Variants in CCDC30 observed in about 807,000 individuals in gnomAD.
The protein encoded by CCDC30 is coiled-coil domain containing 30, also known as coiled-coil domain-containing protein 30.
Under a neutral mutation model 100.2 loss-of-function variants are expected in CCDC30, and 70 were observed. The ratio of observed to expected loss-of-function variants is 0.70; its 90% confidence interval spans 0.58 to 0.85. The LOEUF (loss-of-function observed/expected upper bound fraction) is 0.85, where lower values mean the gene tolerates loss of function less well. Among genes scored for constraint, CCDC30 ranks in the 40% least tolerant of loss-of-function variants. The pLI, the probability that CCDC30 is intolerant of heterozygous loss-of-function variation, is 0.00. For missense variants in CCDC30, 652 were observed against 771.2 expected (o/e 0.85, Z 1.83); for synonymous variants, 233 against 269.5 (o/e 0.86, Z 1.33).
At chr1:42,514,447 A>G (rs1470959085) in intron 6 of CCDC30, among the ~76,000 whole-genome samples, 3 of 152,162 alleles carry the variant, frequency 2.0e-5, no homozygotes, top group Admixed American at 1.3e-4. Flanking sequence ...GGTGTGAAGT[A>G]GTGTCTCAAT....
At chr1:42,645,962 G>C (rs1483006287) in intron 14 of CCDC30, among the ~76,000 whole-genome samples, 173 bp from the exon 19 acceptor site, 1 of 152,120 alleles carries the variant, frequency 6.6e-6, no homozygotes, top group Non-Finnish European at 1.5e-5. Context: ...GAGTATGTCT[G>C]GGACCAATAG....
chr1:42,499,550 G>A (rs976377823), intron 6 of CCDC30, among the ~76,000 whole-genome samples: 18 of 151,938 alleles, frequency 1.2e-4, no homozygotes, highest in African/African-American at 3.9e-4. Flanking sequence ...GTCCTGGCTC[G>A]CTGCAGCCTC....
intron 11 of CCDC30, among the ~76,000 whole-genome samples, chr1:42,627,477 G>A (rs367896815): frequency 3.3e-5 from 5 of 152,198 alleles, no homozygotes; most frequent in African/African-American, 1.2e-4. Flanking sequence ...GTAGCAAGAA[G>A]CCTAATGTTA....
At chr1:42,619,170 C>A (rs1646783373) in intron 11 of CCDC30, among the ~76,000 whole-genome samples, 1 of 152,202 alleles carries the variant, frequency 6.6e-6, no homozygotes, top group African/African-American at 2.4e-5. Flanking sequence ...GCTTTGTATA[C>A]ATGCCTCTGG....
At chr1:42,629,352 C>G (rs1176225416) in intron 11 of CCDC30, among the ~76,000 whole-genome samples, 1 of 152,228 alleles carries the variant, frequency 6.6e-6, no homozygotes, top group Non-Finnish European at 1.5e-5. Context: ...TCATGCCACT[C>G]TCTCGTGGCC....
intron 13 of CCDC30, 37 bp downstream of exon 17, chr1:42,642,646 C>A: frequency 6.9e-7 from 1 of 1,453,126 alleles, no homozygotes; most frequent in Non-Finnish European, 9.1e-7. Context: ...ATAAACTCCA[C>A]AAGAGGATGT....
Position 42,470,718 on chromosome 1 carries a change from G to A in CCDC30, c.-92+6820G>A, listed in dbSNP as rs1188128681. Reference sequence around the variant, plus strand: ...AAGCCAATACAAAAGGACAAATATTGTATGATTCCATTTCTATGAGTTGTA... The same window carrying A: ...AAGCCAATACAAAAGGACAAATATTATATGATTCCATTTCTATGAGTTGTA... On this transcript the variant is annotated intron_variant, in intron 1 of 16. Transcript: ENST00000668663. Among the ~76,000 whole-genome samples, 7 of 152,302 alleles carry A rather than the reference G, an allele frequency of 4.6e-5. No individual in the cohort carries two copies. The East Asian group carries it at 1.4e-3, about 29-fold the overall frequency.
chr1:42,630,547 T>A (rs1211918361), intron 11 of CCDC30, among the ~76,000 whole-genome samples: 1 of 151,754 alleles, frequency 6.6e-6, no homozygotes, highest in Non-Finnish European at 1.5e-5. Flanking sequence ...CACACCTAGC[T>A]ATTTTTGTAT....
intron 1 of CCDC30, among the ~76,000 whole-genome samples, chr1:42,474,226 C>G (rs1473810872): frequency 6.6e-6 from 1 of 152,146 alleles, no homozygotes; most frequent in Non-Finnish European, 1.5e-5. Flanking sequence ...TAACATTAGG[C>G]AGATGGGGGT....
At chr1:42,510,061 G>A in intron 6 of CCDC30, 1 of 985,340 alleles carries the variant, frequency 1.0e-6, no homozygotes, top group Non-Finnish European at 1.2e-6. Flanking sequence ...CGGGGTTTGT[G>A]TTGTAGAATT....
At chr1:42,459,937 C>T (rs756781299), upstream of CCDC30, 20 of 1,575,984 alleles carry the variant, frequency 1.3e-5, no homozygotes, top group Non-Finnish European at 1.7e-5. Flanking sequence ...AGTAAAAAGC[C>T]CTTATAGGAT....
chr1:42,651,772 G>A (rs1648374006), intron 15 of CCDC30, among the ~76,000 whole-genome samples: 1 of 152,154 alleles, frequency 6.6e-6, no homozygotes, highest in Admixed American at 6.5e-5. Flanking sequence ...TTCTCAGGAG[G>A]CTGAGGTGTG....
intron 11 of CCDC30, among the ~76,000 whole-genome samples, chr1:42,628,197 G>A (rs1570292296): frequency 6.6e-6 from 1 of 152,130 alleles, no homozygotes; most frequent in East Asian, 1.9e-4. Flanking sequence ...CTGCCTCACT[G>A]GATTTCAGAC....
chr1:42,514,642 C>G (rs554387257), intron 6 of CCDC30, among the ~76,000 whole-genome samples: 1 of 151,992 alleles, frequency 6.6e-6, no homozygotes, highest in African/African-American at 2.4e-5. Flanking sequence ...ATATTAGTCT[C>G]TTATGTGTTT....
At chr1:42,541,027 C>T (rs1473907100) in intron 6 of CCDC30, among the ~76,000 whole-genome samples, 2 of 152,106 alleles carry the variant, frequency 1.3e-5, no homozygotes, top group African/African-American at 4.8e-5. Context: ...TTGATATTTT[C>T]GAAGAGTACT....
At chr1:42,649,959 T>A (rs762582566) in intron 15 of CCDC30, among the ~76,000 whole-genome samples, 6 of 152,082 alleles carry the variant, frequency 3.9e-5, no homozygotes, top group Non-Finnish European at 7.4e-5. Context: ...ATACGATAAA[T>A]GAAAAGATAT....
chr1:42,549,596 G>A (rs963243437), intron 6 of CCDC30, among the ~76,000 whole-genome samples: 4 of 152,190 alleles, frequency 2.6e-5, no homozygotes, highest in African/African-American at 9.7e-5. Context: ...GAGAGGTAGG[G>A]TGGGAGGAAC....
intron 11 of CCDC30, among the ~76,000 whole-genome samples, chr1:42,626,809 C>T (rs1266712630): frequency 6.6e-6 from 1 of 152,168 alleles, no homozygotes; most frequent in Non-Finnish European, 1.5e-5. Flanking sequence ...CCCTTTCACT[C>T]CCGTCATGAT....
At chr1:42,460,121 C>T (rs187060100), upstream of CCDC30, 27 of 1,346,770 alleles carry the variant, frequency 2.0e-5, no homozygotes, top group Non-Finnish European at 2.6e-5. Context: ...TGAAATTGAA[C>T]ACTAGAACTG....
Sources: gnomAD v4.1 joint callset for allele counts (sites outside exome capture counted in the v4.1 genomes callset) on GRCh38, gnomAD v4.1.1 for gene constraint, MANE v1.5 for transcripts, NCBI Gene and HGNC (gene_info 2026-07-23, HGNC 2026-07-21) for gene names.